Variants in MYRIP observed in about 807,000 individuals in gnomAD.
The protein encoded by MYRIP is rab effector MyRIP.
MYRIP carries 49 observed loss-of-function variants against 98.0 expected under a neutral mutation model. The observed-to-expected ratio is 0.50, with a 90% CI of 0.40 to 0.63. The LOEUF (loss-of-function observed/expected upper bound fraction) is 0.63, where lower values mean the gene tolerates loss of function less well. MYRIP is among the 30% of genes least tolerant of loss of function. The pLI is 0.00. For missense variants in MYRIP, 1,004 were observed against 1,058.2 expected (o/e 0.95, Z 0.71); for synonymous variants, 404 against 409.5 (o/e 0.99, Z 0.16).
chr3:40,033,508 A>C (rs192483239), intron 2 of MYRIP, among the ~76,000 whole-genome samples: 85 of 152,270 alleles, frequency 5.6e-4, no homozygotes, highest in Non-Finnish European at 1.1e-3. Context: ...GAATCCAACT[A>C]ACAACGGACG....
intron 1 of MYRIP, among the ~76,000 whole-genome samples, chr3:39,848,055 G>T (rs1263040417): frequency 1.3e-5 from 2 of 152,168 alleles, no homozygotes; most frequent in Non-Finnish European, 2.9e-5. Flanking sequence ...CCTCCAACAT[G>T]CTGGTGGGGT....
chr3:40,200,810 G>A (rs1052944349), intron 10 of MYRIP, among the ~76,000 whole-genome samples: 6 of 152,160 alleles, frequency 3.9e-5, no homozygotes, highest in Non-Finnish European at 4.4e-5. Flanking sequence ...GTGTCATCAC[G>A]TGATTGCCAG....
At chr3:39,999,778 A>T (rs1024216582) in intron 2 of MYRIP, among the ~76,000 whole-genome samples, 3 of 152,192 alleles carry the variant, frequency 2.0e-5, no homozygotes, top group Non-Finnish European at 4.4e-5. Flanking sequence ...AACCAAGCCA[A>T]ATGTCCAACA....
At chr3:39,988,009 A>G (rs2125768149) in intron 2 of MYRIP, among the ~76,000 whole-genome samples, 2 of 152,346 alleles carry the variant, frequency 1.3e-5, no homozygotes, top group African/African-American at 4.8e-5. Context: ...TGTCCTTTTT[A>G]GGGACATGGA....
intron 2 of MYRIP, among the ~76,000 whole-genome samples, chr3:39,972,653 A>T (rs1240999484): frequency 6.6e-6 from 1 of 152,060 alleles, no homozygotes; most frequent in Non-Finnish European, 1.5e-5. Flanking sequence ...ACATGTTCTG[A>T]TTATGCTTCG....
chr3:39,816,235 C>G (rs1391987020), intron 1 of MYRIP, among the ~76,000 whole-genome samples: 1 of 152,060 alleles, frequency 6.6e-6, no homozygotes, highest in Non-Finnish European at 1.5e-5. Context: ...GCGCCGGCCA[C>G]CACGCCCAGC....
At chr3:39,840,428 G>C (rs1454863326) in intron 1 of MYRIP, among the ~76,000 whole-genome samples, 1 of 152,146 alleles carries the variant, frequency 6.6e-6, no homozygotes, top group African/African-American at 2.4e-5. Context: ...TATCCAGTTT[G>C]CCAGTCTGTG....
chr3:40,195,786 T>C (rs1951371171), intron 10 of MYRIP, among the ~76,000 whole-genome samples: 1 of 152,174 alleles, frequency 6.6e-6, no homozygotes, highest in Admixed American at 6.5e-5. Context: ...ACTAAGAACA[T>C]GGCAAGGGTT....
At chr3:40,202,604 GT>G (rs1159139837) in intron 10 of MYRIP, among the ~76,000 whole-genome samples, 1 of 152,136 alleles carries the variant, frequency 6.6e-6, no homozygotes, top group African/African-American at 2.4e-5. Flanking sequence ...TGGCTCTGCT[GT>G]TTTCCTTTTA....
chr3:40,130,718 A>ATG (rs57689630), intron 3 of MYRIP, among the ~76,000 whole-genome samples: 3,523 of 150,588 alleles, frequency 0.023, 64 homozygotes, highest in African/African-American at 0.052. Flanking sequence ...ATATATATAT[A>ATG]TGTGTGTGTG....
rs77184070 is a variant in MYRIP at position 39,869,531 on chromosome 3, G to A, written c.-30-31256G>A. On this transcript the variant is annotated intron_variant, in intron 1 of 16. Coordinates refer to ENST00000302541, the MANE Select transcript of MYRIP (RefSeq NM_015460.4). ...TAGTATTTATAATAATTTATTTAAA[G>A]CCTTTGCGTACTTCTCTCAAGATAA... is the stretch of plus-strand genomic sequence containing the variant. 9.1e-4 allele frequency among the ~76,000 whole-genome samples: 138 copies of A among 152,120 alleles called. 4 individuals carry two copies. The East Asian group carries it at 0.025, about 28-fold the overall frequency.
chr3:39,873,571 C>T (rs1412077667), intron 1 of MYRIP, among the ~76,000 whole-genome samples: 1 of 152,176 alleles, frequency 6.6e-6, no homozygotes, highest in Non-Finnish European at 1.5e-5. Context: ...AGCCAGTTTT[C>T]CCAGCACCAT....
At chr3:40,162,990 A>T in intron 5 of MYRIP, 180 bp downstream of exon 5, 1 of 546,152 alleles carries the variant, frequency 1.8e-6, no homozygotes, top group Non-Finnish European at 3.3e-6. Context: ...TCATCAAAAT[A>T]GGTGAGTATA....
At chr3:40,076,003 C>A (rs138107831) in intron 3 of MYRIP, among the ~76,000 whole-genome samples, 1,632 of 152,186 alleles carry the variant, frequency 0.011, 29 homozygotes, top group African/African-American at 0.038. Context: ...CGAGACCAGC[C>A]TGGCCAACGT....
intron 1 of MYRIP, among the ~76,000 whole-genome samples, chr3:39,825,864 T>A (rs543382858): frequency 6.6e-6 from 1 of 152,166 alleles, no homozygotes; most frequent in South Asian, 2.1e-4. Flanking sequence ...GTTACTTTTT[T>A]AATTGGTCTG....
intron 3 of MYRIP, among the ~76,000 whole-genome samples, chr3:40,086,108 A>G (rs57352507): frequency 0.013 from 1,972 of 152,316 alleles, 37 homozygotes; most frequent in African/African-American, 0.043. Flanking sequence ...GAAGGCAAGG[A>G]AAAGAGAAAC....
At chr3:40,255,256 A>ATGAATTGG (rs1275512915) in intron 16 of MYRIP, among the ~76,000 whole-genome samples, 1 of 152,202 alleles carries the variant, frequency 6.6e-6, no homozygotes, top group African/African-American at 2.4e-5. Context: ...GAGACAGGAC[A>ATGAATTGG]TGAATTGGTG....
At chr3:40,012,619 C>T (rs903446579) in intron 2 of MYRIP, among the ~76,000 whole-genome samples, 3 of 152,196 alleles carry the variant, frequency 2.0e-5, no homozygotes, top group Non-Finnish European at 4.4e-5. Flanking sequence ...ATTCTCCCCG[C>T]TTGTGGATGG....
chr3:40,072,040 G>A (rs1471002095), intron 3 of MYRIP, among the ~76,000 whole-genome samples: 2 of 152,032 alleles, frequency 1.3e-5, no homozygotes, highest in Non-Finnish European at 2.9e-5. Context: ...CTTGTTTAAT[G>A]GGAAACCCCC....
Sources: allele counts gnomAD v4.1 joint callset (sites outside exome capture counted in the v4.1 genomes callset), GRCh38; gene constraint gnomAD v4.1.1; transcripts MANE v1.5; gene names NCBI Gene and HGNC (gene_info 2026-07-23, HGNC 2026-07-21).